STK10: variants seen among roughly 807,000 people sequenced by gnomAD.
STK10 encodes the protein serine/threonine kinase 10.
In STK10, 78 loss-of-function variants were observed where a neutral mutation model predicts 113.8. That is an observed-to-expected ratio of 0.69 (90% CI 0.57 to 0.83). The LOEUF (loss-of-function observed/expected upper bound fraction) is 0.83, where lower values mean the gene tolerates loss of function less well. Among genes scored for constraint, STK10 ranks in the 40% least tolerant of loss-of-function variants. STK10 has a pLI of 0.00. For missense variants in STK10, 1,109 were observed against 1,280.1 expected, an observed-to-expected ratio of 0.87 and a Z score of 2.04; for synonymous variants, 465 against 494.7, an observed-to-expected ratio of 0.94 and a Z score of 0.80.
chr5:172,095,905 G>A (rs891064344), intron 8 of STK10, among the ~76,000 whole-genome samples: 1 of 152,200 alleles, frequency 6.6e-6, no homozygotes, highest in Admixed American at 6.5e-5. Flanking sequence ...TTGGCTCACA[G>A]GGTTTTTACA....
intron 4 of STK10, among the ~76,000 whole-genome samples, chr5:172,113,659 G>A (rs961589875): frequency 3.3e-5 from 5 of 152,200 alleles, no homozygotes; most frequent in Non-Finnish European, 7.3e-5. Context: ...GCTCATGCCT[G>A]TAATCCCAGC....
chr5:172,063,018 G>A (rs1767969134), intron 13 of STK10, among the ~76,000 whole-genome samples: 1 of 152,212 alleles, frequency 6.6e-6, no homozygotes, highest in Non-Finnish European at 1.5e-5. Flanking sequence ...GGGAGACTGA[G>A]GCAGGCGGAT....
chr5:172,108,531 G>A (rs1312755801), intron 4 of STK10, among the ~76,000 whole-genome samples: 10 of 150,434 alleles, frequency 6.6e-5, no homozygotes, highest in Admixed American at 6.0e-4. Context: ...CACAAAAATC[G>A]CTTGAACCCG....
At chr5:172,108,309 T>C (rs1387624424) in intron 4 of STK10, 1 of 153,482 alleles carries the variant, frequency 6.5e-6, no homozygotes, top group African/African-American at 2.4e-5. Flanking sequence ...TTTTAAAACT[T>C]TTTATATAGA....
chr5:172,135,264 G>A (rs1438735097), intron 2 of STK10, among the ~76,000 whole-genome samples: 1 of 152,218 alleles, frequency 6.6e-6, no homozygotes, highest in East Asian at 1.9e-4. Flanking sequence ...TGTGATCCCA[G>A]CACTTTGGGA....
At chr5:172,090,990 C>T (rs534011218) in intron 9 of STK10, among the ~76,000 whole-genome samples, 2 of 150,204 alleles carry the variant, frequency 1.3e-5, no homozygotes, top group South Asian at 4.2e-4. Flanking sequence ...CCTCACTGCA[C>T]CACTTACTTG....
At position 172,183,909 on chromosome 5, in the gene STK10, G is replaced by A. The variant is rs373571435; in HGVS notation, c.156+3978C>T. Among the ~76,000 whole-genome samples the A allele has an allele frequency of 4.9e-4, 75 of 152,218 alleles. 1 individual carries two copies. The South Asian group carries it at 0.016, about 32-fold the overall frequency. On this transcript the variant is annotated intron_variant, in intron 1 of 18. Coordinates refer to ENST00000176763, the MANE Select transcript of STK10 (RefSeq NM_005990.4). ...TTTTCTCCTGAGGCAGACACATTAAGGCTTATCAGGGAGAGGAGGAAAAAA... is the reference window on the plus strand; with the variant it reads ...TTTTCTCCTGAGGCAGACACATTAAAGCTTATCAGGGAGAGGAGGAAAAAA...
At chr5:172,086,564 G>C (rs1277277236) in intron 10 of STK10, among the ~76,000 whole-genome samples, 2 of 152,162 alleles carry the variant, frequency 1.3e-5, no homozygotes, top group Non-Finnish European at 2.9e-5. Context: ...AGGACAGGAG[G>C]AACTCTGCCC....
chr5:172,143,850 AT>A (rs1770027525), intron 2 of STK10, among the ~76,000 whole-genome samples: 1 of 152,270 alleles, frequency 6.6e-6, no homozygotes, highest in African/African-American at 2.4e-5. Flanking sequence ...TGTTGAATAA[AT>A]GAATGAATAA....
chr5:172,123,650 A>C (rs1362836221), intron 3 of STK10, among the ~76,000 whole-genome samples: 2 of 152,096 alleles, frequency 1.3e-5, no homozygotes, highest in African/African-American at 2.4e-5. Flanking sequence ...CCCAGCCTCC[A>C]TTCCAGCTGT....
intron 10 of STK10, among the ~76,000 whole-genome samples, chr5:172,085,981 C>T (rs1181373027): frequency 1.3e-5 from 2 of 152,114 alleles, no homozygotes; most frequent in East Asian, 3.9e-4. Flanking sequence ...GGCAGTGCAG[C>T]GAGGCCAAGA....
intron 18 of STK10, among the ~76,000 whole-genome samples, chr5:172,048,925 C>T (rs1007426180): frequency 6.6e-5 from 10 of 152,032 alleles, no homozygotes; most frequent in South Asian, 2.1e-4. Flanking sequence ...GCAAGGTGTC[C>T]GGGCCTTTGC....
rs1000096966 is a variant in STK10, at chr5:172,133,941, G to C, written c.322-6520C>G. Among the ~76,000 whole-genome samples, 2 of 152,166 alleles carry C rather than the reference G, an allele frequency of 1.3e-5. No homozygotes were observed. Among genetic ancestry groups the C allele is most frequent in the Admixed American group, 1.3e-4 (2 of 15,264 alleles). ...GGCTCTCCAACTTGAACGTTCAGCA[G>C]AGTGCTTGTTAAAACAGATCACTGG... is the stretch of plus-strand genomic sequence containing the variant. On this transcript the variant is annotated intron_variant, in intron 2 of 18. Transcript: ENST00000176763. The surrounding 1 kb of genome is among the most constrained non-coding windows in gnomAD (Gnocchi z 4.9).
chr5:172,119,812 G>A (rs10476006), intron 3 of STK10, among the ~76,000 whole-genome samples: 3 of 148,154 alleles, frequency 2.0e-5, no homozygotes, highest in Admixed American at 6.7e-5. Context: ...TGCAGTGAGC[G>A]GAGATCACGC....
chr5:172,096,283 C>G, intron 8 of STK10, 143 bp downstream of exon 8: 1 of 1,326,492 alleles, frequency 7.5e-7, no homozygotes, highest in Non-Finnish European at 1.0e-6. Context: ...ACGTTACCTG[C>G]AGCGTGGGAG....
At chr5:172,052,456 C>T (rs1015073321) in intron 18 of STK10, among the ~76,000 whole-genome samples, 1 of 152,234 alleles carries the variant, frequency 6.6e-6, no homozygotes, top group African/African-American at 2.4e-5. Context: ...CCCACCCAGA[C>T]TCTTGAACTC....
intron 4 of STK10, among the ~76,000 whole-genome samples, chr5:172,112,284 C>A (rs3111495): frequency 0.35 from 53,554 of 152,036 alleles, 11,496 homozygotes; most frequent in African/African-American, 0.61. Flanking sequence ...ATATATGCAT[C>A]TTGTGTGTAC....
At chr5:172,058,716 CCA>C (rs969823975) in intron 14 of STK10, among the ~76,000 whole-genome samples, 14 of 152,000 alleles carry the variant, frequency 9.2e-5, no homozygotes, top group African/African-American at 2.9e-4. Context: ...ATGGCGAAAC[CCA>C]GTCTCTACTA....
intron 2 of STK10, among the ~76,000 whole-genome samples, chr5:172,139,545 C>T: frequency 6.7e-6 from 1 of 149,386 alleles, no homozygotes. Flanking sequence ...AAAACCTTGA[C>T]ATATATAGTC....
Sources: allele counts gnomAD v4.1 joint callset (sites outside exome capture counted in the v4.1 genomes callset), GRCh38; gene constraint gnomAD v4.1.1; non-coding constraint Gnocchi (gnomAD v3.1); transcripts MANE v1.5; gene names NCBI Gene and HGNC (gene_info 2026-07-23, HGNC 2026-07-21).